Variants in ATAD2 observed in about 807,000 individuals in gnomAD.
The protein encoded by ATAD2 is ATPase family AAA domain-containing protein 2.
A neutral mutation model predicts 168.9 loss-of-function variants in ATAD2; 62 were observed. The observed-to-expected ratio is 0.37, with a 90% CI of 0.30 to 0.45. The LOEUF is 0.45. Ranked by LOEUF, ATAD2 falls within the 20% of genes least tolerant of loss-of-function variation. The pLI, the probability that ATAD2 is intolerant of heterozygous loss-of-function variation, is 1.00. For synonymous variants in ATAD2, 613 were observed against 571.6 expected (o/e 1.07, Z -1.03); for missense variants, 1,419 against 1,667.8 (o/e 0.85, Z 2.60).
chr8:123,347,084 T>C lies in ATAD2; in HGVS notation c.2212+8A>G. On this transcript the variant is annotated splice_region_variant and intron_variant, in intron 16 of 27. Coordinates refer to ENST00000287394, the MANE Select transcript of ATAD2 (RefSeq NM_014109.4). The stretch of plus-strand genomic sequence containing the variant: ...AACTAACTTTAAATGGTCAATCAAG[T>C]TTTATACCTGAGTCTAATGTTTTAT... 1 of 1,598,726 alleles carries C rather than the reference T, an allele frequency of 6.3e-7. No individual in the cohort carries two copies. Among genetic ancestry groups the C allele is most frequent in the Non-Finnish European group, 8.5e-7 (1 of 1,170,786 alleles).
upstream of ATAD2, among the ~76,000 whole-genome samples, chr8:123,399,588 G>A (rs1446803570): frequency 2.6e-5 from 4 of 151,920 alleles, no homozygotes; most frequent in South Asian, 2.1e-4. Flanking sequence ...CAGGCGGGGC[G>A]GCTCACACCT....
chr8:123,374,007 TAACAAAG>T (rs767853612), intron 2 of ATAD2, among the ~76,000 whole-genome samples: 6 of 152,108 alleles, frequency 3.9e-5, no homozygotes, highest in Non-Finnish European at 5.9e-5. Flanking sequence ...ATATTCTCAT[TAACAAAG>T]TAAGTCTTCA....
chr8:123,357,695 A>C lies in ATAD2; in HGVS notation c.1424T>G (p.Leu475Arg). ...FYGPPGTGKT[L>R]VARALANECS... is the part of the protein sequence containing the mutation. ...CTCATTGGCAAGTGCTCTGGCAACCAGAGTCTTTCCAGTTCCAGGTGGCCC... is the reference window on the plus strand; with the variant it reads ...CTCATTGGCAAGTGCTCTGGCAACCCGAGTCTTTCCAGTTCCAGGTGGCCC... The change falls in exon 12 of 28, where the codon CTG becomes CGG. Residue 475 changes from leucine to arginine, a missense_variant. This residue lies in a region of ATAD2 where 146 missense variants were observed against 188.3 expected (regional missense o/e 0.78). Coordinates refer to ENST00000287394, the MANE Select transcript of ATAD2 (RefSeq NM_014109.4). 6.2e-7 allele frequency: 1 copy of C among 1,612,570 alleles called. No individual in the cohort carries two copies. Among genetic ancestry groups the C allele is most frequent in the Non-Finnish European group, 8.5e-7 (1 of 1,179,534 alleles).
chr8:123,370,523 T>A (rs1829120859), intron 6 of ATAD2, among the ~76,000 whole-genome samples: 1 of 152,122 alleles, frequency 6.6e-6, no homozygotes, highest in Non-Finnish European at 1.5e-5. Context: ...CACCAAACAT[T>A]TAAAATGCAT....
upstream of ATAD2, chr8:123,400,650 C>T: frequency 2.9e-6 from 2 of 692,810 alleles, no homozygotes; most frequent in Non-Finnish European, 5.3e-6. This position sits in a 1 kb window ranked among gnomAD's most constrained non-coding sequence, Gnocchi z 4.5. Flanking sequence ...AGCTCTTCGC[C>T]AGAGCCGACA....
chr8:123,356,332 A>C, intron 13 of ATAD2, 57 bp downstream of exon 13: 2 of 1,427,624 alleles, frequency 1.4e-6, no homozygotes, highest in African/African-American at 1.4e-5. Flanking sequence ...TCTCTCACAC[A>C]TCAATACCAC....
chr8:123,398,200 CT>C (rs1287216465), upstream of ATAD2, among the ~76,000 whole-genome samples: 3 of 132,716 alleles, frequency 2.3e-5, no homozygotes, highest in African/African-American at 2.9e-5. Flanking sequence ...GGGAGTCCTG[CT>C]TTTTTTTTGA....
At chr8:123,357,413 G>T in intron 12 of ATAD2, 149 bp downstream of exon 12, 2 of 777,086 alleles carry the variant, frequency 2.6e-6, no homozygotes, top group Non-Finnish European at 3.7e-6. Flanking sequence ...GTGTCATCTC[G>T]ACATATAAAA....
rs1322689380 is a variant in ATAD2 at position 123,375,460 on chromosome 8, C to T, written c.321-2774G>A. On this transcript the variant is annotated intron_variant, in intron 2 of 27. Coordinates refer to ENST00000287394, the MANE Select transcript of ATAD2 (RefSeq NM_014109.4). Reference sequence around the variant, plus strand: ...GCTGTAAATGTTTTGGAAAAGTATGCTACTTCCTCAAAATGTTAGTGTTAG... The same window carrying T: ...GCTGTAAATGTTTTGGAAAAGTATGTTACTTCCTCAAAATGTTAGTGTTAG... Among the ~76,000 whole-genome samples the T allele has an allele frequency of 3.3e-5, 5 of 152,170 alleles. No homozygotes were observed. In the East Asian group the frequency reaches 5.8e-4, roughly 18 times the overall value.
chr8:123,346,201 C>G lies in ATAD2; in HGVS notation c.2417G>C (p.Gly806Ala). 1 of 1,613,050 alleles carries G rather than the reference C, an allele frequency of 6.2e-7. No individual in the cohort carries two copies. Among genetic ancestry groups the G allele is most frequent in the East Asian group, 2.2e-5 (1 of 44,776 alleles). Residue 806 changes from glycine to alanine, a missense_variant, in exon 18 of 28, where the codon GGT becomes GCT. Physicochemically the swap from Gly to Ala is moderately conservative, Grantham distance 60 (BLOSUM62 0). Transcript: ENST00000287394. Reference protein sequence around the residue: ...LIVGEPGFGQGSHLAPAVIHA... With the variant: ...LIVGEPGFGQASHLAPAVIHA... The stretch of plus-strand genomic sequence containing the variant: ...AATGACAGCTGGTGCCAAGTGAGAA[C>G]CTTGCCCAAATCCTGGTTCTCCTAC...
Position 123,333,952 on chromosome 8 carries a change from CCAA to C in ATAD2, c.3401_3403del (p.Val1134del). On this transcript the variant is annotated inframe_deletion, in exon 24 of 28. Coordinates refer to ENST00000287394, the MANE Select transcript of ATAD2 (RefSeq NM_014109.4). ...CTGCTCTGGGTCTGATCTTTTATCA[CCAA>C]CAAGAGTGGAATTTTGCTTTGGCAT... 2 of 1,614,060 alleles carry C rather than the reference CCAA, an allele frequency of 1.2e-6. No individual in the cohort carries two copies. The highest frequency in any genetic ancestry group is 1.7e-6 in the Non-Finnish European group (2 of 1,180,002).
intron 7 of ATAD2, 26 bp from the exon 8 acceptor site, chr8:123,369,201 A>ATC (rs1294122043): frequency 4.9e-6 from 4 of 811,826 alleles, no homozygotes; most frequent in Middle Eastern, 4.1e-4. Flanking sequence ...ATATATATAT[A>ATC]TTTGTATATA....
At chr8:123,333,345 G>A (rs549300810) in intron 24 of ATAD2, among the ~76,000 whole-genome samples, 2 of 143,824 alleles carry the variant, frequency 1.4e-5, no homozygotes, top group African/African-American at 5.2e-5. Flanking sequence ...GGGACGCAGC[G>A]GTTGCAGTGA....
At chr8:123,395,862 G>A (rs77070778) in intron 1 of ATAD2, among the ~76,000 whole-genome samples, 1 of 152,092 alleles carries the variant, frequency 6.6e-6, no homozygotes, top group African/African-American at 2.4e-5. Context: ...GCGATCGATC[G>A]GCCAGGGAGT....
At chr8:123,330,411 C>G (rs557435881) in intron 24 of ATAD2, among the ~76,000 whole-genome samples, 4 of 152,108 alleles carry the variant, frequency 2.6e-5, no homozygotes, top group African/African-American at 7.2e-5. Flanking sequence ...GTCACCCAGG[C>G]TGGAGTGCTG....
At chr8:123,401,116 C>G (rs749568627), upstream of ATAD2, 5 of 1,389,250 alleles carry the variant, frequency 3.6e-6, no homozygotes, top group Non-Finnish European at 5.1e-6. Flanking sequence ...GGTGATGATG[C>G]CAAGGATTGA....
At chr8:123,338,892 C>CA (rs1441332143) in intron 20 of ATAD2, among the ~76,000 whole-genome samples, 2 of 151,630 alleles carry the variant, frequency 1.3e-5, no homozygotes, top group Non-Finnish European at 2.9e-5. Context: ...GACCCTGTCT[C>CA]AAAAAATAAA....
chr8:123,407,113 C>T (rs1297192396), intron 1 of ATAD2, among the ~76,000 whole-genome samples: 1 of 152,084 alleles, frequency 6.6e-6, no homozygotes, highest in African/African-American at 2.4e-5. Flanking sequence ...GTTTATAAGC[C>T]AAGAAATGCC....
intron 17 of ATAD2, 65 bp from the exon 18 acceptor site, chr8:123,346,337 G>T: frequency 7.1e-7 from 1 of 1,399,138 alleles, no homozygotes; most frequent in Non-Finnish European, 9.6e-7. Context: ...CCCCTAAATT[G>T]TCAACTATAA....
Sources: allele counts gnomAD v4.1 joint callset (sites outside exome capture counted in the v4.1 genomes callset), GRCh38; gene constraint gnomAD v4.1.1; regional missense constraint gnomAD v4.1.1; non-coding constraint Gnocchi (gnomAD v3.1); transcripts MANE v1.5; gene names NCBI Gene and HGNC (gene_info 2026-07-23, HGNC 2026-07-21).